The following XPO6 variants were observed in gnomAD, a reference collection of about 807,000 sequenced individuals.
XPO6 encodes exportin 6, also known as exportin-6.
In XPO6, 3 loss-of-function variants were observed where a neutral mutation model predicts 130.0. The observed-to-expected ratio is 0.02, with a 90% CI of 0.01 to 0.06. The LOEUF (loss-of-function observed/expected upper bound fraction) is 0.06, where lower values mean the gene tolerates loss of function less well. Ranked by LOEUF, XPO6 falls within the 10% of genes least tolerant of loss-of-function variation. XPO6 has a pLI of 1.00. For missense variants in XPO6, 970 were observed against 1,393.0 expected (o/e 0.70, Z 4.83); for synonymous variants, 524 against 548.9 (o/e 0.95, Z 0.63).
intron 1 of XPO6, among the ~76,000 whole-genome samples, chr16:28,210,881 G>A (rs577270285): frequency 1.4e-4 from 22 of 152,314 alleles, no homozygotes; most frequent in Middle Eastern, 3.4e-3. Flanking sequence ...CTCTCTAAGT[G>A]TATTAGAGAT....
chr16:28,158,981 G>A (rs767153111), intron 6 of XPO6, among the ~76,000 whole-genome samples: 5 of 152,154 alleles, frequency 3.3e-5, no homozygotes, highest in African/African-American at 7.2e-5. Flanking sequence ...TGTAATCCCA[G>A]CATTTCGGTA....
At chr16:28,147,532 A>G (rs1443964109) in intron 8 of XPO6, among the ~76,000 whole-genome samples, 1 of 152,238 alleles carries the variant, frequency 6.6e-6, no homozygotes, top group Non-Finnish European at 1.5e-5. Context: ...GACAGGACCA[A>G]CCTCAGAAAA....
intron 7 of XPO6, chr16:28,155,797 G>A: frequency 1.7e-6 from 1 of 596,080 alleles, no homozygotes; most frequent in Non-Finnish European, 2.4e-6. Flanking sequence ...AAGGAAAAGG[G>A]GGCAAGAGGA....
At chr16:28,184,823 C>CATGT (rs1189827784) in intron 1 of XPO6, among the ~76,000 whole-genome samples, 1 of 152,158 alleles carries the variant, frequency 6.6e-6, no homozygotes, top group East Asian at 1.9e-4. Context: ...CCAGCACATG[C>CATGT]ATGTACTGCT....
chr16:28,209,141 T>C (rs1010926922), intron 1 of XPO6: 2 of 151,914 alleles, frequency 1.3e-5, no homozygotes, highest in African/African-American at 4.8e-5. Flanking sequence ...GTCAAATTCA[T>C]AGAAATAGAA....
intron 1 of XPO6, among the ~76,000 whole-genome samples, chr16:28,192,927 A>G (rs1234703918): frequency 6.6e-6 from 1 of 152,134 alleles, no homozygotes; most frequent in Non-Finnish European, 1.5e-5. Flanking sequence ...CAGAGAAAGT[A>G]CCAGATTAGA....
intron 21 of XPO6, among the ~76,000 whole-genome samples, chr16:28,103,245 A>G (rs2239987): frequency 0.87 from 132,818 of 152,114 alleles, 59,721 homozygotes; most frequent in Non-Finnish European, 1. Context: ...CCTACCATGC[A>G]TAGCCTTTGG....
chr16:28,180,729 G>C (rs1203314958), intron 2 of XPO6, among the ~76,000 whole-genome samples: 2 of 151,448 alleles, frequency 1.3e-5, no homozygotes, highest in East Asian at 3.9e-4. Context: ...CAACAACATT[G>C]CTGAAATTAA....
chr16:28,103,442 A>G (rs1407841834), intron 21 of XPO6, among the ~76,000 whole-genome samples: 1 of 152,214 alleles, frequency 6.6e-6, no homozygotes, highest in Non-Finnish European at 1.5e-5. Flanking sequence ...AGCTTCTATA[A>G]ACATCAGTGT....
intron 1 of XPO6, among the ~76,000 whole-genome samples, chr16:28,193,344 C>T (rs2043813008): frequency 6.6e-6 from 1 of 152,000 alleles, no homozygotes; most frequent in Admixed American, 6.6e-5. Flanking sequence ...AGATCTGTGT[C>T]GGGAGGAAGT....
At chr16:28,207,670 T>G (rs949530263) in intron 1 of XPO6, among the ~76,000 whole-genome samples, 11 of 152,200 alleles carry the variant, frequency 7.2e-5, no homozygotes, top group African/African-American at 2.7e-4. Context: ...CTGATCTTCC[T>G]TCCCATGAGG....
intron 4 of XPO6, among the ~76,000 whole-genome samples, chr16:28,174,062 G>T (rs914015379): frequency 1.3e-5 from 2 of 151,996 alleles, no homozygotes; most frequent in Admixed American, 1.3e-4. Flanking sequence ...CTTCCCTGAC[G>T]CCCACTTAAG....
intron 13 of XPO6, among the ~76,000 whole-genome samples, chr16:28,124,139 C>T (rs559563318): frequency 6.6e-6 from 1 of 151,022 alleles, no homozygotes; most frequent in South Asian, 2.1e-4. Context: ...CTCACTGCAA[C>T]CTCCGCCTCC....
At chr16:28,201,566 T>C (rs1479458354) in intron 1 of XPO6, among the ~76,000 whole-genome samples, 2 of 152,182 alleles carry the variant, frequency 1.3e-5, no homozygotes, top group African/African-American at 2.4e-5. Flanking sequence ...ACTGTAAGAA[T>C]GTAGTCTTGG....
At chr16:28,112,761 G>T in intron 16 of XPO6, 143 bp downstream of exon 16, 1 of 1,086,506 alleles carries the variant, frequency 9.2e-7, no homozygotes, top group Non-Finnish European at 1.3e-6. Context: ...GTCTGTGTCA[G>T]TGCCACACAA....
In XPO6 at chr16:28,113,024, C is replaced by T. The variant is rs774964359; in HGVS notation, c.2031G>A (p.Ala677=). Residue 677 remains alanine (A), a synonymous_variant, in exon 16 of 24, where the codon GCG becomes GCA. Coordinates refer to ENST00000304658, the MANE Select transcript of XPO6 (RefSeq NM_015171.4). The part of the protein sequence containing the change: ...TKVQDKLLLS[A]CHLLVSLATT... Reference sequence around the variant, plus strand: ...TGGCCAGTGAGACCAGTAAGTGGCACGCAGATAGCAGCAGCTTGTCTTGGA... The same window carrying T: ...TGGCCAGTGAGACCAGTAAGTGGCATGCAGATAGCAGCAGCTTGTCTTGGA... The T allele has an allele frequency of 8.1e-6, 13 of 1,613,928 alleles. No individual in the cohort carries two copies. The highest frequency in any genetic ancestry group is 5.0e-5 in the Admixed American group (3 of 60,000).
intron 9 of XPO6, among the ~76,000 whole-genome samples, chr16:28,142,853 C>T (rs1055430315): frequency 1.3e-5 from 2 of 152,042 alleles, no homozygotes; most frequent in African/African-American, 4.8e-5. Context: ...ACTACACGTG[C>T]ACACTACCAT....
At chr16:28,202,208 T>C (rs1049009041) in intron 1 of XPO6, among the ~76,000 whole-genome samples, 2 of 152,204 alleles carry the variant, frequency 1.3e-5, no homozygotes, top group Admixed American at 1.3e-4. Flanking sequence ...TCACTTTAAG[T>C]ATTTAATGAA....
chr16:28,148,377 T>C lies in XPO6; in HGVS notation c.1225-2174A>G, dbSNP rs2043022248. 2.0e-5 allele frequency among the ~76,000 whole-genome samples: 3 copies of C among 152,168 alleles called. No individual in the cohort carries two copies. In the South Asian group the frequency reaches 6.2e-4, roughly 32 times the overall value. On this transcript the variant is annotated intron_variant, in intron 8 of 23. Coordinates refer to ENST00000304658, the MANE Select transcript of XPO6 (RefSeq NM_015171.4). ...AGGCCGCCCATGACCTGGCCTCTGA[T>C]AGTTGCTGTGGACATGGTTCATTCC...
Sources: gnomAD v4.1 joint callset for allele counts (sites outside exome capture counted in the v4.1 genomes callset) on GRCh38, gnomAD v4.1.1 for gene constraint, MANE v1.5 for transcripts, NCBI Gene and HGNC (gene_info 2026-07-23, HGNC 2026-07-21) for gene names.